IL1R2: variants seen among roughly 807,000 people sequenced by gnomAD.
IL1R2 encodes the protein interleukin-1 receptor type 2.
A neutral mutation model predicts 39.5 loss-of-function variants in IL1R2; 46 were observed. The ratio of observed to expected loss-of-function variants is 1.16; its 90% CI spans 0.92 to 1.49. The LOEUF (loss-of-function observed/expected upper bound fraction) is 1.49, where lower values mean the gene tolerates loss of function less well. Among genes scored for constraint, IL1R2 ranks in the 40% most tolerant of loss-of-function variants. The pLI, the probability that IL1R2 is intolerant of heterozygous loss-of-function variation, is 0.00. For synonymous variants in IL1R2, 207 were observed against 189.6 expected (o/e 1.09, Z -0.75); for missense variants, 537 against 502.0 (o/e 1.07, Z -0.67).
intron 3 of IL1R2, among the ~76,000 whole-genome samples, chr2:102,012,571 G>A (rs3218876): frequency 0.17 from 26,410 of 151,658 alleles, 2,799 homozygotes; most frequent in East Asian, 0.28. Context: ...GTGCGTGCAT[G>A]TGTGAAATTA....
At chr2:102,022,839 G>A (rs931773057) in intron 6 of IL1R2, among the ~76,000 whole-genome samples, 1 of 152,238 alleles carries the variant, frequency 6.6e-6, no homozygotes. Context: ...TAAGTGTACT[G>A]TACTAACAAC....
chr2:102,014,975 A>AATAATC (rs778619176), intron 3 of IL1R2, among the ~76,000 whole-genome samples: 1 of 138,350 alleles, frequency 7.2e-6, no homozygotes, highest in Non-Finnish European at 1.5e-5. Flanking sequence ...TAATAATAAT[A>AATAATC]ATCATATAAT....
intron 5 of IL1R2, 65 bp downstream of exon 5, chr2:102,019,877 G>GA: frequency 7.3e-7 from 1 of 1,374,898 alleles, no homozygotes; most frequent in Admixed American, 2.0e-5. Context: ...GAGAACAAAT[G>GA]ACGGTGCACG....
chr2:102,014,455 A>G (rs930528929), intron 3 of IL1R2, among the ~76,000 whole-genome samples: 2 of 152,224 alleles, frequency 1.3e-5, no homozygotes, highest in African/African-American at 4.8e-5. Context: ...CCTTTATTCA[A>G]CATGTAGTGA....
intron 8 of IL1R2, 88 bp downstream of exon 8, chr2:102,026,341 T>C (rs1299185060): frequency 4.8e-6 from 5 of 1,048,290 alleles, no homozygotes; most frequent in Non-Finnish European, 6.7e-6. Flanking sequence ...GTTCTCCAAA[T>C]GATTCCATAG....
At chr2:102,021,306 TTTTTTTTTTTTTTTTTGG>T (rs1462082963) in intron 5 of IL1R2, among the ~76,000 whole-genome samples, 2 of 73,756 alleles carry the variant, frequency 2.7e-5, no homozygotes, top group Admixed American at 1.2e-4. Context: ...TTTTCTTTTC[TTTTTTTTTTTTTTTTTGG>T]TTTTTTTTTG....
rs911872343 is a variant in IL1R2 at position 102,008,708 on chromosome 2, T to G, written c.67+66T>G. On this transcript the variant is annotated intron_variant, in intron 2 of 8. Coordinates refer to ENST00000332549, the MANE Select transcript of IL1R2 (RefSeq NM_004633.4). ...AGCTTCGCTGGGGAAAGATGTTATC[T>G]AGAGAAGTTTCCTTGTCAGAAAGCA... is the stretch of plus-strand genomic sequence containing the variant. 3 of 1,379,546 alleles carry G rather than the reference T, an allele frequency of 2.2e-6. No individual in the cohort carries two copies. The African/African-American group carries it at 4.3e-5, about 20-fold the overall frequency. 85.5% of individuals were successfully genotyped at this position (1,379,546 alleles called of 1,614,324 possible). A position where few individuals can be genotyped will look rare whatever the true frequency, so the allele number is the denominator to read the frequency against.
intron 5 of IL1R2, among the ~76,000 whole-genome samples, chr2:102,021,305 C>CTTTTTTTTTT (rs546019141): frequency 1.6e-5 from 2 of 122,840 alleles, no homozygotes; most frequent in East Asian, 2.4e-4. Flanking sequence ...CTTTTCTTTT[C>CTTTTTTTTTT]TTTTTTTTTT....
intron 1 of IL1R2, among the ~76,000 whole-genome samples, chr2:101,995,466 G>A (rs760331139): frequency 2.0e-5 from 3 of 152,138 alleles, no homozygotes; most frequent in Non-Finnish European, 2.9e-5. Flanking sequence ...AGGAACCTGT[G>A]CTCCAGGAAG....
intron 3 of IL1R2, among the ~76,000 whole-genome samples, chr2:102,013,258 C>T (rs973316262): frequency 3.9e-5 from 6 of 151,986 alleles, no homozygotes; most frequent in African/African-American, 7.2e-5. Flanking sequence ...CCTGGCTGAC[C>T]TTTAATACTC....
rs1196970926 is a variant in IL1R2, at chr2:102,022,178, C to G, written c.689-9C>G. On this transcript the variant is annotated splice_polypyrimidine_tract_variant and intron_variant, in intron 5 of 8. Coordinates refer to ENST00000332549, the MANE Select transcript of IL1R2 (RefSeq NM_004633.4). Reference sequence around the variant, plus strand: ...CTAACGGAATCTCTTTTCCTTACATCTTTCTCAGAAAAAAAAGAAGAGACC... The same window carrying G: ...CTAACGGAATCTCTTTTCCTTACATGTTTCTCAGAAAAAAAAGAAGAGACC... 2 of 1,609,894 alleles carry G rather than the reference C, an allele frequency of 1.2e-6. No homozygotes were observed. The highest frequency in any genetic ancestry group is 1.7e-6 in the Non-Finnish European group (2 of 1,176,166).
At chr2:102,006,804 G>T (rs1676292580) in intron 1 of IL1R2, among the ~76,000 whole-genome samples, 1 of 152,268 alleles carries the variant, frequency 6.6e-6, no homozygotes, top group South Asian at 2.1e-4. Context: ...TTCCGGCCCT[G>T]CCGATGGCCG....
chr2:102,008,776 A>G, intron 2 of IL1R2, 134 bp downstream of exon 2: 2 of 717,618 alleles, frequency 2.8e-6, no homozygotes, highest in Admixed American at 4.2e-5. Flanking sequence ...TAATGTTAGT[A>G]CTTGAGAGCC....
chr2:102,024,479 G>C (rs1402077796), intron 6 of IL1R2, 54 bp from the exon 7 acceptor site: 12 of 1,327,166 alleles, frequency 9.0e-6, no homozygotes, highest in Non-Finnish European at 1.3e-5. Context: ...AGGTTTGCTG[G>C]TGGGTGGGAG....
At chr2:102,013,566 AGAAAAGAAGG>A (rs1676791738) in intron 3 of IL1R2, among the ~76,000 whole-genome samples, 18 of 142,686 alleles carry the variant, frequency 1.3e-4, no homozygotes, top group East Asian at 2.0e-4. Context: ...AAGAAAGAAA[AGAAAAGAAGG>A]AAAAGAAAAA....
At chr2:102,025,776 C>A (rs1428770224) in intron 7 of IL1R2, among the ~76,000 whole-genome samples, 1 of 152,156 alleles carries the variant, frequency 6.6e-6, no homozygotes, top group Non-Finnish European at 1.5e-5. Flanking sequence ...TTTCCTCAAA[C>A]TAGACGTTTC....
At chr2:102,010,392 T>A (rs1676549073) in intron 3 of IL1R2, among the ~76,000 whole-genome samples, 1 of 152,008 alleles carries the variant, frequency 6.6e-6, no homozygotes, top group Middle Eastern at 3.4e-3. Context: ...GCTAACACAG[T>A]GAAACCCCGT....
rs144052963 is a variant in IL1R2 at position 102,015,954 on chromosome 2, C to T, written c.416C>T (p.Pro139Leu). Residue 139 changes from proline to leucine, a missense_variant, in exon 4 of 9, where the codon CCG becomes CTG. Pro to Leu is a moderately conservative substitution (Grantham distance 98). Coordinates refer to ENST00000332549, the MANE Select transcript of IL1R2 (RefSeq NM_004633.4). The part of the protein sequence containing the change: ...TDAFLPFISY[P>L]QILTLSTSGV... Reference sequence around the variant, plus strand: ...GCTTTCCTGCCGTTCATCTCATACCCGCAAATTTTAACCTTGTCAACCTCT... The same window carrying T: ...GCTTTCCTGCCGTTCATCTCATACCTGCAAATTTTAACCTTGTCAACCTCT... The T allele has an allele frequency of 5.3e-5, 86 of 1,613,684 alleles. No individual in the cohort carries two copies. In the African/African-American group the frequency reaches 6.9e-4, roughly 13 times the overall value.
rs916782752 is a variant in IL1R2 at position 102,019,720 on chromosome 2, T to C, written c.596T>C (p.Leu199Pro). 1.3e-5 allele frequency: 21 copies of C among 1,613,926 alleles called. No individual in the cohort carries two copies. The highest frequency in any genetic ancestry group is 1.8e-5 in the Non-Finnish European group (21 of 1,179,886). Residue 199 changes from leucine (L) to proline (P), a missense_variant, in exon 5 of 9, where the codon CTG becomes CCG. Physicochemically the swap from Leu to Pro is moderately conservative, Grantham distance 98. Transcript: ENST00000332549. ...CACTTACTCGTACACGATGTGGCCCTGGAAGATGCTGGCTATTACCGCTGT... is the reference window on the plus strand; with the variant it reads ...CACTTACTCGTACACGATGTGGCCCCGGAAGATGCTGGCTATTACCGCTGT... ...TTHLLVHDVA[L>P]EDAGYYRCVL... is the part of the protein sequence containing the mutation.
Sources: allele counts gnomAD v4.1 joint callset (sites outside exome capture counted in the v4.1 genomes callset), GRCh38; gene constraint gnomAD v4.1.1; transcripts MANE v1.5; gene names NCBI Gene and HGNC (gene_info 2026-07-23, HGNC 2026-07-21).